GRIK2: variants seen among roughly 807,000 people sequenced by gnomAD.
GRIK2 encodes glutamate receptor ionotropic, kainate 2.
A neutral mutation model predicts 100.3 loss-of-function variants in GRIK2; 32 were observed. The ratio of observed to expected loss-of-function variants is 0.32; its 90% CI spans 0.24 to 0.43. The LOEUF is 0.43. Among genes scored for constraint, GRIK2 ranks in the 20% least tolerant of loss-of-function variants. The probability of loss-of-function intolerance (pLI) is 1.00; values close to 1 mark genes in which losing one functional copy is unlikely to be tolerated. For synonymous variants in GRIK2, 417 were observed against 389.4 expected, an observed-to-expected ratio of 1.07 and a Z score of -0.83; for missense variants, 843 against 1,114.9, an observed-to-expected ratio of 0.76 and a Z score of 3.47.
At chr6:101,986,847 GT>G (rs1381132955) in intron 14 of GRIK2, among the ~76,000 whole-genome samples, 3 of 151,830 alleles carry the variant, frequency 2.0e-5, no homozygotes, top group African/African-American at 7.2e-5. Context: ...GCTAATCTTA[GT>G]TTTAAAACTG....
chr6:101,425,036 G>A (rs1231819004), intron 2 of GRIK2, among the ~76,000 whole-genome samples: 1 of 151,862 alleles, frequency 6.6e-6, no homozygotes, highest in African/African-American at 2.4e-5. Flanking sequence ...TACATGTGCA[G>A]TGCCACATTT....
chr6:101,551,973 ATAAG>A (rs1190740219), intron 2 of GRIK2, among the ~76,000 whole-genome samples: 4 of 152,208 alleles, frequency 2.6e-5, no homozygotes, highest in Non-Finnish European at 4.4e-5. Context: ...CAGTAAGGTA[ATAAG>A]TAAGTTAATA....
At chr6:101,836,659 A>ATTTTTTTTTTTTTTT (rs1239661989) in intron 10 of GRIK2, among the ~76,000 whole-genome samples, 3 of 60,224 alleles carry the variant, frequency 5.0e-5, no homozygotes, top group African/African-American at 5.7e-5. Context: ...ATATATATAT[A>ATTTTTTTTTTTTTTT]TATTTTTTTT....
At chr6:101,601,863 A>G (rs1045390059) in intron 2 of GRIK2, among the ~76,000 whole-genome samples, 1 of 151,578 alleles carries the variant, frequency 6.6e-6, no homozygotes, top group African/African-American at 2.4e-5. Flanking sequence ...GATCATGTGT[A>G]TCCTTTCAAG....
chr6:101,681,815 G>A (rs1771277357), intron 5 of GRIK2, among the ~76,000 whole-genome samples: 1 of 152,086 alleles, frequency 6.6e-6, no homozygotes. Flanking sequence ...AAAATGCATT[G>A]TTTTTTAATT....
chr6:101,467,969 C>G (rs976038920), intron 2 of GRIK2, among the ~76,000 whole-genome samples: 5 of 149,734 alleles, frequency 3.3e-5, no homozygotes, highest in African/African-American at 1.2e-4. Context: ...AGGAGTGTCT[C>G]TCAGGGCACG....
intron 12 of GRIK2, among the ~76,000 whole-genome samples, chr6:101,897,523 T>G (rs1787550389): frequency 2.6e-5 from 4 of 151,832 alleles, no homozygotes; most frequent in Admixed American, 2.0e-4. Flanking sequence ...TTGGAAGCTT[T>G]CTCAGTCAAC....
At chr6:101,566,432 G>A (rs1351892770) in intron 2 of GRIK2, among the ~76,000 whole-genome samples, 1 of 151,972 alleles carries the variant, frequency 6.6e-6, no homozygotes, top group Non-Finnish European at 1.5e-5. Flanking sequence ...GCTGTATGCA[G>A]ACTTTCTCCT....
At chr6:101,735,206 G>A (rs1281070670) in intron 7 of GRIK2, among the ~76,000 whole-genome samples, 1 of 152,146 alleles carries the variant, frequency 6.6e-6, no homozygotes, top group African/African-American at 2.4e-5. Context: ...GATTTCCTAG[G>A]TAGAGAATGT....
intron 7 of GRIK2, among the ~76,000 whole-genome samples, chr6:101,722,525 A>T (rs1022667249): frequency 6.6e-6 from 1 of 152,054 alleles, no homozygotes; most frequent in African/African-American, 2.4e-5. Context: ...ATAACAACTC[A>T]TAGCTCAGGA....
chr6:101,975,613 G>A (rs916681230), intron 14 of GRIK2, among the ~76,000 whole-genome samples: 3 of 151,896 alleles, frequency 2.0e-5, no homozygotes, highest in Non-Finnish European at 2.9e-5. Flanking sequence ...AACTGGACTT[G>A]AGGAAATAGA....
chr6:101,930,158 A>G (rs913465352), intron 14 of GRIK2, among the ~76,000 whole-genome samples: 12 of 151,948 alleles, frequency 7.9e-5, no homozygotes, highest in Admixed American at 2.6e-4. Context: ...CCTCCATAAC[A>G]TGGCAAAATT....
intron 11 of GRIK2, among the ~76,000 whole-genome samples, chr6:101,862,322 A>G (rs1224795778): frequency 6.6e-6 from 1 of 152,114 alleles, no homozygotes; most frequent in African/African-American, 2.4e-5. Context: ...TTGGGGTGAA[A>G]TATTTTGATT....
intron 15 of GRIK2, 106 bp downstream of exon 15, chr6:102,035,672 C>A (rs1770232419): frequency 1.6e-6 from 1 of 621,784 alleles, no homozygotes; most frequent in Admixed American, 2.5e-5. Context: ...TTGTTTTTAC[C>A]AAATGCATCC....
intron 12 of GRIK2, among the ~76,000 whole-genome samples, chr6:101,894,422 T>A (rs1486107324): frequency 3.3e-5 from 5 of 151,674 alleles, no homozygotes; most frequent in African/African-American, 4.8e-5. Context: ...AGAGTAAGGA[T>A]TAGCCTGGGA....
At chr6:101,507,961 T>G (rs1774106981) in intron 2 of GRIK2, among the ~76,000 whole-genome samples, 1 of 152,172 alleles carries the variant, frequency 6.6e-6, no homozygotes, top group African/African-American at 2.4e-5. Flanking sequence ...TAGAAAAAAG[T>G]AGAAGACAAT....
At chr6:101,762,918 T>C (rs1777821343) in intron 7 of GRIK2, among the ~76,000 whole-genome samples, 1 of 152,168 alleles carries the variant, frequency 6.6e-6, no homozygotes, top group African/African-American at 2.4e-5. Flanking sequence ...CTGAGACACT[T>C]CTTTGTGACT....
intron 5 of GRIK2, 78 bp downstream of exon 5, chr6:101,676,882 A>G: frequency 1.3e-6 from 1 of 796,480 alleles, no homozygotes; most frequent in East Asian, 2.8e-5. Flanking sequence ...AAATCAAAAT[A>G]TTATTGTTAT....
At chr6:101,658,486 C>A (rs1472031565) in intron 4 of GRIK2, among the ~76,000 whole-genome samples, 8 of 152,174 alleles carry the variant, frequency 5.3e-5, no homozygotes, top group African/African-American at 1.9e-4. Context: ...CAAGTCTTAG[C>A]TATTGTGAAT....
Sources: gnomAD v4.1 joint callset for allele counts (sites outside exome capture counted in the v4.1 genomes callset) on GRCh38, gnomAD v4.1.1 for gene constraint, MANE v1.5 for transcripts, NCBI Gene and HGNC (gene_info 2026-07-23, HGNC 2026-07-21) for gene names.